LRP12: variants seen among roughly 807,000 people sequenced by gnomAD.
The protein encoded by LRP12 is low-density lipoprotein receptor-related protein 12.
A neutral mutation model predicts 66.0 loss-of-function variants in LRP12; 14 were observed. The observed-to-expected ratio is 0.21, with a 90% confidence interval of 0.14 to 0.33. The LOEUF is 0.33. Among genes scored for constraint, LRP12 ranks in the 10% least tolerant of loss-of-function variants. The pLI, the probability that LRP12 is intolerant of heterozygous loss-of-function variation, is 1.00. For synonymous variants in LRP12, 357 were observed against 359.1 expected (o/e 0.99, Z 0.07); for missense variants, 889 against 1,053.4 (o/e 0.84, Z 2.16).
At chr8:104,527,001 C>T (rs1811249617) in intron 2 of LRP12, among the ~76,000 whole-genome samples, 1 of 149,416 alleles carries the variant, frequency 6.7e-6, no homozygotes, top group African/African-American at 2.6e-5. Flanking sequence ...AAAACAAAAC[C>T]CCATCAAAAA....
At chr8:104,510,828 T>C (rs1810982217) in intron 2 of LRP12, among the ~76,000 whole-genome samples, 1 of 152,054 alleles carries the variant, frequency 6.6e-6, no homozygotes, top group African/African-American at 2.4e-5. Context: ...AAGGTAAGAC[T>C]GTTGTATTAT....
intron 1 of LRP12, among the ~76,000 whole-genome samples, chr8:104,564,409 C>G (rs1811961717): frequency 6.6e-6 from 1 of 152,096 alleles, no homozygotes; most frequent in South Asian, 2.1e-4. Flanking sequence ...ATCTAGAGGT[C>G]ATAAATGAGC....
chr8:104,581,904 T>C (rs796448292), intron 1 of LRP12, among the ~76,000 whole-genome samples: 3 of 152,326 alleles, frequency 2.0e-5, no homozygotes, highest in African/African-American at 7.2e-5. Context: ...AGGTGTTCTG[T>C]ATTCTCTTAG....
intron 1 of LRP12, among the ~76,000 whole-genome samples, chr8:104,552,013 G>A (rs1411029755): frequency 6.6e-6 from 1 of 152,132 alleles, no homozygotes; most frequent in Non-Finnish European, 1.5e-5. Context: ...GAGGAGAGAA[G>A]GAAAAGGATA....
Position 104,588,814 on chromosome 8 carries a change from C to CGT in LRP12, c.79+4_79+5insAC, listed in dbSNP as rs1812379090. 6.2e-7 allele frequency: 1 copy of CGT among 1,611,920 alleles called. No individual in the cohort carries two copies. Among genetic ancestry groups the CGT allele is most frequent in the Non-Finnish European group, 8.5e-7 (1 of 1,179,142 alleles). On this transcript the variant is annotated splice_donor_region_variant and intron_variant, in intron 1 of 6. Transcript: ENST00000276654. ...TCAGCGGGGCGCGGGGACGCGGACA[C>CGT]TTACCGTACACCCCAGCGAGGAAAA...
intron 3 of LRP12, chr8:104,508,440 A>G (rs1284100642): frequency 6.6e-6 from 1 of 152,220 alleles, no homozygotes; most frequent in African/African-American, 2.4e-5. Context: ...TCGAAGTTAT[A>G]AACAAAGATT....
rs190925388 is a variant in LRP12, at chr8:104,495,017, A to G, written c.1713+60T>C. The G allele has an allele frequency of 3.2e-5, 49 of 1,521,056 alleles. No individual in the cohort carries two copies. The East Asian group carries it at 1.0e-3, about 31-fold the overall frequency. The allele number at this position is 1,521,056 out of a possible 1,614,324, so 94.2% of individuals were successfully genotyped here. ...GTCAAGGGTCTTTGCTTTATCATAT[A>G]TACAGGCGCAGATTTCATTTTAAGA... On this transcript the variant is annotated intron_variant, in intron 6 of 6. Coordinates refer to ENST00000276654, the MANE Select transcript of LRP12 (RefSeq NM_013437.5).
intron 2 of LRP12, among the ~76,000 whole-genome samples, chr8:104,515,506 G>T (rs1295316489): frequency 6.6e-6 from 1 of 152,106 alleles, no homozygotes; most frequent in African/African-American, 2.4e-5. Flanking sequence ...TAAAATTACT[G>T]CTTGGTTTTT....
In LRP12 at chr8:104,512,332, T is replaced by C. The variant is rs543998918; in HGVS notation, c.137-3258A>G. Among the ~76,000 whole-genome samples, 5 of 152,272 alleles carry C rather than the reference T, an allele frequency of 3.3e-5. No homozygotes were observed. In the South Asian group the frequency reaches 1.0e-3, roughly 32 times the overall value. On this transcript the variant is annotated intron_variant, in intron 2 of 6. Coordinates refer to ENST00000276654, the MANE Select transcript of LRP12 (RefSeq NM_013437.5). ...CTTTTCATTATCTCCTAACACAGCATTCTGGAGTCGCAGTAAGCTAAAGGA... is the reference window on the plus strand; with the variant it reads ...CTTTTCATTATCTCCTAACACAGCACTCTGGAGTCGCAGTAAGCTAAAGGA...
intron 2 of LRP12, among the ~76,000 whole-genome samples, chr8:104,526,307 C>T (rs554442417): frequency 2.0e-5 from 3 of 151,974 alleles, no homozygotes; most frequent in South Asian, 2.1e-4. Context: ...CCAATGACTT[C>T]CTTCACAGAA....
At chr8:104,503,242 G>A (rs1234253995) in intron 3 of LRP12, among the ~76,000 whole-genome samples, 1 of 145,052 alleles carries the variant, frequency 6.9e-6, no homozygotes, top group African/African-American at 2.6e-5. Context: ...CGGGAGAACT[G>A]CTTGAACCCG....
rs560767533 is a variant in LRP12 at position 104,588,976 on chromosome 8, C to A, written c.-79G>T. 391 of 648,304 alleles carry A rather than the reference C, an allele frequency of 6.0e-4. No individual in the cohort carries two copies. Among genetic ancestry groups the A allele is most frequent in the Non-Finnish European group, 8.1e-4 (338 of 418,326 alleles). 40.2% of individuals were successfully genotyped at this position (648,304 alleles called of 1,614,324 possible). On this transcript the variant is annotated 5_prime_UTR_variant, in exon 1 of 7. Coordinates refer to ENST00000276654, the MANE Select transcript of LRP12 (RefSeq NM_013437.5). Reference sequence around the variant, plus strand: ...CTGGAGGTAGACGACGCCGACGCCGCCGCCGCCGCCGCCGCCGCCGCCGAG... The same window carrying A: ...CTGGAGGTAGACGACGCCGACGCCGACGCCGCCGCCGCCGCCGCCGCCGAG...
At chr8:104,527,581 G>T (rs1001191902) in intron 2 of LRP12, among the ~76,000 whole-genome samples, 3 of 151,508 alleles carry the variant, frequency 2.0e-5, no homozygotes, top group African/African-American at 7.3e-5. Context: ...CTATCGCAAG[G>T]ACAAAAAACC....
chr8:104,584,589 A>G (rs1317493449), intron 1 of LRP12, among the ~76,000 whole-genome samples: 1 of 152,152 alleles, frequency 6.6e-6, no homozygotes, highest in African/African-American at 2.4e-5. Flanking sequence ...ATCATTTACC[A>G]TACATCATTC....
rs562172713 is a variant in LRP12 at position 104,585,648 on chromosome 8, G to C, written c.79+3171C>G. On this transcript the variant is annotated intron_variant, in intron 1 of 6. Coordinates refer to ENST00000276654, the MANE Select transcript of LRP12 (RefSeq NM_013437.5). Reference sequence around the variant, plus strand: ...CAGCAAATGAAGAAGGGAAGGGTGAGAAAGAGGAGGAATAAATAGAAAACA... The same window carrying C: ...CAGCAAATGAAGAAGGGAAGGGTGACAAAGAGGAGGAATAAATAGAAAACA... 1.3e-4 allele frequency among the ~76,000 whole-genome samples: 20 copies of C among 152,276 alleles called. No individual in the cohort carries two copies. The South Asian group carries it at 1.7e-3, about 13-fold the overall frequency.
chr8:104,588,970 A>ACGCCGTCGC lies in LRP12; in HGVS notation c.-74_-73insGCGACGGCG. 1 of 600,566 alleles carries ACGCCGTCGC rather than the reference A, an allele frequency of 1.7e-6. No homozygotes were observed. Among genetic ancestry groups the ACGCCGTCGC allele is most frequent in the Non-Finnish European group, 2.6e-6 (1 of 387,020 alleles). The allele number at this position is 600,566 out of a possible 1,614,324, so 37.2% of individuals were successfully genotyped here. On this transcript the variant is annotated 5_prime_UTR_variant, in exon 1 of 7. Transcript: ENST00000276654. ...GAGAAGCTGGAGGTAGACGACGCCG[A>ACGCCGTCGC]CGCCGCCGCCGCCGCCGCCGCCGCC...
intron 3 of LRP12, chr8:104,504,492 T>C (rs777411278): frequency 1.3e-5 from 2 of 152,198 alleles, no homozygotes; most frequent in Non-Finnish European, 2.9e-5. Context: ...AGTTTTAATA[T>C]GTATTACTTT....
chr8:104,511,780 G>A (rs189539239), intron 2 of LRP12, among the ~76,000 whole-genome samples: 1 of 152,266 alleles, frequency 6.6e-6, no homozygotes, highest in East Asian at 1.9e-4. Flanking sequence ...CCTGGAATTA[G>A]GGTGCACTGC....
At chr8:104,560,799 G>A (rs1811894936) in intron 1 of LRP12, among the ~76,000 whole-genome samples, 1 of 152,092 alleles carries the variant, frequency 6.6e-6, no homozygotes, top group Admixed American at 6.5e-5. Context: ...CTTATTTGAA[G>A]CAGGATCAAA....
Sources: gnomAD v4.1 joint callset for allele counts (sites outside exome capture counted in the v4.1 genomes callset) on GRCh38, gnomAD v4.1.1 for gene constraint, MANE v1.5 for transcripts, NCBI Gene and HGNC (gene_info 2026-07-23, HGNC 2026-07-21) for gene names.